Variants in CAD observed in about 807,000 individuals in gnomAD.
CAD encodes the protein carbamoyl-phosphate synthetase 2, aspartate transcarbamylase, and dihydroorotase, also known as multifunctional protein CAD.
CAD carries 81 observed loss-of-function variants against 237.2 expected under a neutral mutation model. That is an observed-to-expected ratio of 0.34 (90% CI 0.29 to 0.41). The LOEUF (loss-of-function observed/expected upper bound fraction) is 0.41. CAD is among the 10% of genes least tolerant of loss of function. The pLI, the probability that CAD is intolerant of heterozygous loss-of-function variation, is 1.00. For missense variants in CAD, 2,181 were observed against 2,951.7 expected (o/e 0.74, Z 6.05); for synonymous variants, 1,196 against 1,162.8 (o/e 1.03, Z -0.58).
intron 12 of CAD, 64 bp from the exon 13 acceptor site, chr2:27,226,067 G>A: frequency 1.3e-6 from 2 of 1,533,604 alleles, no homozygotes; most frequent in Non-Finnish European, 1.8e-6. Flanking sequence ...AGGACCCTGG[G>A]GTGCAGCCTT....
At chr2:27,222,142 C>T in intron 3 of CAD, 52 bp from the exon 4 acceptor site, 2 of 1,573,472 alleles carry the variant, frequency 1.3e-6, no homozygotes, top group Non-Finnish European at 8.7e-7. Flanking sequence ...TCTAACCTCA[C>T]AGATGACTGA....
Position 27,217,991 on chromosome 2 carries a change from A to G in CAD, c.197A>G (p.Glu66Gly). The G allele has an allele frequency of 3.7e-6, 6 of 1,610,824 alleles. No homozygotes were observed. Among genetic ancestry groups the G allele is most frequent in the Non-Finnish European group, 5.1e-6 (6 of 1,178,304 alleles). Residue 66 changes from glutamate (E) to glycine (G), a missense_variant, in exon 2 of 44, where the codon GAA (glutamate) becomes GGA (glycine). Coordinates refer to ENST00000264705, the MANE Select transcript of CAD (RefSeq NM_004341.5). ...LIGNYGIPPDEMDEFGLCKWF... is the reference protein window; with the variant it reads ...LIGNYGIPPDGMDEFGLCKWF... Reference sequence around the variant, plus strand: ...GGCAACTATGGCATCCCCCCAGATGAAATGGATGAGTTCGGTCTCTGCAAG... The same window carrying G: ...GGCAACTATGGCATCCCCCCAGATGGAATGGATGAGTTCGGTCTCTGCAAG...
intron 9 of CAD, 80 bp from the exon 10 acceptor site, chr2:27,224,662 AAAG>A: frequency 6.4e-7 from 1 of 1,574,084 alleles, no homozygotes; most frequent in South Asian, 1.1e-5. Context: ...ACAGGGAGGG[AAAG>A]AAGAGGAGAA....
At position 27,239,135 on chromosome 2, in the gene CAD, G is replaced by A; in HGVS notation, c.5156G>A (p.Ser1719Asn). Residue 1719 changes from serine to asparagine, a missense_variant, in exon 32 of 44, where the codon AGC (serine) becomes AAC (asparagine). Physicochemically the swap from Ser to Asn is conservative, Grantham distance 46. Around this residue, in one of 12 missense-constraint regions of CAD, gnomAD observed 478 missense variants for 515.0 expected, o/e 0.93. Transcript: ENST00000264705. The surrounding 1 kb of genome is among the most constrained non-coding windows in gnomAD (Gnocchi z 4.0). ...CTGCCACTACTCCTGACGGCTGTAA[G>A]CGAGGGCCGGCTCAGCCTGGACGAC... ...TMLPLLLTAV[S>N]EGRLSLDDLL... 1 of 1,613,522 alleles carries A rather than the reference G, an allele frequency of 6.2e-7. No individual in the cohort carries two copies. The highest frequency in any genetic ancestry group is 8.5e-7 in the Non-Finnish European group (1 of 1,179,670).
rs1251239383 is a variant in CAD, at chr2:27,235,052, T to C, written c.3787-193T>C. 6.6e-6 allele frequency among the ~76,000 whole-genome samples: 1 copy of C among 152,158 alleles called. No individual in the cohort carries two copies. The highest frequency in any genetic ancestry group is 1.9e-4 in the East Asian group (1 of 5,192). On this transcript the variant is annotated intron_variant, in intron 23 of 43. Coordinates refer to ENST00000264705, the MANE Select transcript of CAD (RefSeq NM_004341.5). The surrounding 1 kb of genome is among the most constrained non-coding windows in gnomAD (Gnocchi z 5.2). ...TGAAGGATGGTTAAGGTTTTTTATT[T>C]GCAAGGGCACATCCTAAGCAGAAGC...
chr2:27,240,466 A>C lies in CAD; in HGVS notation c.5593+105A>C. On this transcript the variant is annotated intron_variant, in intron 35 of 43. Transcript: ENST00000264705. This position sits in a 1 kb window ranked among gnomAD's most constrained non-coding sequence, Gnocchi z 4.6. ...TACATGTCCTCCTCTCCATCCCTTT[A>C]TCCTCGTCTGATCTGCCGTGCCATC... 6.8e-7 allele frequency: 1 copy of C among 1,479,242 alleles called. No individual in the cohort carries two copies. The highest frequency in any genetic ancestry group is 1.4e-5 in the African/African-American group (1 of 72,048). 91.6% of individuals were successfully genotyped at this position (1,479,242 alleles called of 1,614,324 possible). A position where few individuals can be genotyped will look rare whatever the true frequency, so the allele number is the denominator to read the frequency against.
intron 2 of CAD, among the ~76,000 whole-genome samples, chr2:27,220,898 C>T (rs1412289670): frequency 1.4e-4 from 21 of 152,124 alleles, no homozygotes; most frequent in Non-Finnish European, 8.8e-5. Context: ...GCAGAGGTTG[C>T]AGTGAGCTTA....
chr2:27,225,967 A>T, intron 12 of CAD, 41 bp downstream of exon 12: 1 of 1,592,236 alleles, frequency 6.3e-7, no homozygotes, highest in Non-Finnish European at 8.6e-7. Context: ...GTCAGGCAGG[A>T]TGAGCTTTTG....
At position 27,217,649 on chromosome 2, in the gene CAD, T is replaced by C. The variant is rs1190250931; in HGVS notation, c.82+16T>C. ...GGGGAAGTGGGTAAGCAAGCCCGGT[T>C]AGGCTGCAGACCTTATCCCACTCTG... On this transcript the variant is annotated intron_variant, in intron 1 of 43. Transcript: ENST00000264705. 1 of 1,593,324 alleles carries C rather than the reference T, an allele frequency of 6.3e-7. No homozygotes were observed. Among genetic ancestry groups the C allele is most frequent in the African/African-American group, 1.4e-5 (1 of 73,996 alleles).
In CAD at chr2:27,238,182, G is replaced by A; in HGVS notation, c.4855G>A (p.Glu1619Lys). 1 of 1,613,982 alleles carries A rather than the reference G, an allele frequency of 6.2e-7. No homozygotes were observed. Among genetic ancestry groups the A allele is most frequent in the Non-Finnish European group, 8.5e-7 (1 of 1,180,016 alleles). Residue 1619 changes from glutamate (E) to lysine (K), a missense_variant, in exon 30 of 44, where the codon GAG (glutamate) becomes AAG (lysine). By Grantham distance (56) the Glu-to-Lys change is moderately conservative. Coordinates refer to ENST00000264705, the MANE Select transcript of CAD (RefSeq NM_004341.5). ...GCACATATGTCACGTGGCACGGAAG[G>A]AGGAGGTAAGAGTACACCTGAGATC... ...SVHICHVARK[E>K]EILLIKAAKA... is the part of the protein sequence containing the mutation.
intron 23 of CAD, among the ~76,000 whole-genome samples, chr2:27,234,966 T>C (rs1160675934): frequency 6.6e-6 from 1 of 152,236 alleles, no homozygotes; most frequent in Non-Finnish European, 1.5e-5. Flanking sequence ...CAGGAGGTGC[T>C]GCTTCCAAAA....
intron 2 of CAD, among the ~76,000 whole-genome samples, chr2:27,218,687 A>G (rs724310): frequency 0.087 from 13,188 of 152,132 alleles, 1,586 homozygotes; most frequent in African/African-American, 0.27. Flanking sequence ...GTTTCTTCCT[A>G]CAGTGAGGTT....
rs1388425109 is a variant in CAD, at chr2:27,242,267, A to C, written c.6097-35A>C. 1 of 1,593,468 alleles carries C rather than the reference A, an allele frequency of 6.3e-7. No homozygotes were observed. Among genetic ancestry groups the C allele is most frequent in the Non-Finnish European group, 8.6e-7 (1 of 1,166,616 alleles). Reference sequence around the variant, plus strand: ...GGGACTGGCAGTTGGGGGGCCTCTGAGCTGCAAAAGACAGGATTTTCCCCT... The same window carrying C: ...GGGACTGGCAGTTGGGGGGCCTCTGCGCTGCAAAAGACAGGATTTTCCCCT... On this transcript the variant is annotated intron_variant, in intron 39 of 43. Transcript: ENST00000264705. This position sits in a 1 kb window ranked among gnomAD's most constrained non-coding sequence, Gnocchi z 6.4.
chr2:27,232,898 C>A lies in CAD; in HGVS notation c.2893-144C>A. ...CAACACTTTGTACCTCCTTCCCTCC[C>A]AAGGCAGGGGTCCTGTACAGCTCTT... On this transcript the variant is annotated intron_variant, in intron 18 of 43. Transcript: ENST00000264705. This position sits in a 1 kb window ranked among gnomAD's most constrained non-coding sequence, Gnocchi z 4.1. The A allele has an allele frequency of 1.3e-6, 1 of 786,870 alleles. No individual in the cohort carries two copies. The highest frequency in any genetic ancestry group is 2.1e-6 in the Non-Finnish European group (1 of 473,100). 48.7% of individuals were successfully genotyped at this position (786,870 alleles called of 1,614,324 possible).
intron 3 of CAD, 25 bp downstream of exon 3, chr2:27,221,372 T>C (rs1675156100): frequency 6.5e-7 from 1 of 1,533,484 alleles, no homozygotes; most frequent in Non-Finnish European, 8.8e-7. Context: ...AGGGGCATAT[T>C]TGGGCAGAGC....
At position 27,222,854 on chromosome 2, in the gene CAD, T is replaced by C. The variant is rs2148060236; in HGVS notation, c.638-12T>C. 6.2e-7 allele frequency: 1 copy of C among 1,613,144 alleles called. No individual in the cohort carries two copies. The highest frequency in any genetic ancestry group is 2.2e-5 in the East Asian group (1 of 44,860). On this transcript the variant is annotated splice_polypyrimidine_tract_variant and intron_variant, in intron 5 of 43. Transcript: ENST00000264705. ...ATACTGATTTTGATGTCATCTTTTC[T>C]GCCCACTCCAGAGTATGAGGGTCTC...
rs773037795 is a variant in CAD at position 27,225,726 on chromosome 2, C to T, written c.1642C>T (p.Leu548=). 1.2e-6 allele frequency: 2 copies of T among 1,614,086 alleles called. No individual in the cohort carries two copies. Among genetic ancestry groups the T allele is most frequent in the East Asian group, 4.5e-5 (2 of 44,884 alleles). ...GCAGGCCCAGGCAGCCGCTGAACGG[C>T]TGGGGTACCCTGTGCTAGTGCGTGC... is the stretch of plus-strand genomic sequence containing the variant. ...LEQAQAAAER[L]GYPVLVRAAF... is the part of the protein sequence containing the mutation. Residue 548 remains leucine, a synonymous_variant, in exon 12 of 44, where the codon CTG becomes TTG. Transcript: ENST00000264705.
chr2:27,242,438 T>G lies in CAD; in HGVS notation c.6222+11T>G. On this transcript the variant is annotated intron_variant, in intron 40 of 43. Transcript: ENST00000264705. The surrounding 1 kb of genome is among the most constrained non-coding windows in gnomAD (Gnocchi z 6.4). ...GTCAATGGCATGACGGTGAGGGTGGTGGCAGGGTTTGGATCCCTGCCAGGG... is the reference window on the plus strand; with the variant it reads ...GTCAATGGCATGACGGTGAGGGTGGGGGCAGGGTTTGGATCCCTGCCAGGG... 1 of 1,611,616 alleles carries G rather than the reference T, an allele frequency of 6.2e-7. No individual in the cohort carries two copies. Among genetic ancestry groups the G allele is most frequent in the South Asian group, 1.1e-5 (1 of 90,838 alleles).
rs758685604 is a variant in CAD at position 27,241,047 on chromosome 2, C to A, written c.5639-11C>A. ...TCTGACCAGCCTTTTCTGCCCCATC[C>A]CTCACTGCAGAGCTGATGGGAACCC... On this transcript the variant is annotated splice_polypyrimidine_tract_variant and intron_variant, in intron 36 of 43. Transcript: ENST00000264705. This position sits in a 1 kb window ranked among gnomAD's most constrained non-coding sequence, Gnocchi z 4.6. 3 of 1,612,742 alleles carry A rather than the reference C, an allele frequency of 1.9e-6. No individual in the cohort carries two copies. The highest frequency in any genetic ancestry group is 1.7e-6 in the Non-Finnish European group (2 of 1,179,122).
Sources: allele counts gnomAD v4.1 joint callset (sites outside exome capture counted in the v4.1 genomes callset), GRCh38; gene constraint gnomAD v4.1.1; regional missense constraint gnomAD v4.1.1; non-coding constraint Gnocchi (gnomAD v3.1); transcripts MANE v1.5; gene names NCBI Gene and HGNC (gene_info 2026-07-23, HGNC 2026-07-21).